Variants in AGPS observed in about 807,000 individuals in gnomAD.
The protein encoded by AGPS is alkylglycerone phosphate synthase, also known as alkyldihydroxyacetonephosphate synthase, peroxisomal.
AGPS carries 26 observed loss-of-function variants against 90.7 expected under a neutral mutation model. The ratio of observed to expected loss-of-function variants is 0.29; its 90% CI spans 0.21 to 0.40. The LOEUF is 0.40. Ranked by LOEUF, AGPS falls within the 10% of genes least tolerant of loss-of-function variation. The pLI is 1.00. For synonymous variants in AGPS, 294 were observed against 285.3 expected, an observed-to-expected ratio of 1.03 and a Z score of -0.31; for missense variants, 540 against 816.1, an observed-to-expected ratio of 0.66 and a Z score of 4.12.
intron 8 of AGPS, among the ~76,000 whole-genome samples, chr2:177,460,570 G>T (rs985796996): frequency 6.6e-6 from 1 of 152,138 alleles, no homozygotes; most frequent in East Asian, 1.9e-4. Flanking sequence ...GTACATCTTA[G>T]GGCTCCATGA....
At chr2:177,474,492 T>C (rs1687720236) in intron 10 of AGPS, among the ~76,000 whole-genome samples, 1 of 152,316 alleles carries the variant, frequency 6.6e-6, no homozygotes, top group Non-Finnish European at 1.5e-5. Context: ...ACATTCCTGG[T>C]GACTGTACCC....
Position 177,393,028 on chromosome 2 carries a change from C to T in AGPS, c.239C>T (p.Ser80Leu), listed in dbSNP as rs200828998. ...ACGGCCACTCCCGCCGCGCAGGAGTCGGGCACCATCCCAAAGAAGCGGTGA... is the reference window on the plus strand; with the variant it reads ...ACGGCCACTCCCGCCGCGCAGGAGTTGGGCACCATCCCAAAGAAGCGGTGA... Reference protein sequence around the residue: ...APTATPAAQESGTIPKKRQEV... With the variant: ...APTATPAAQELGTIPKKRQEV... Residue 80 changes from serine (S) to leucine (L), a missense_variant, in exon 1 of 20, where the codon TCG (serine) becomes TTG (leucine). Physicochemically the swap from Ser to Leu is moderately radical, Grantham distance 145 (BLOSUM62 -2). Transcript: ENST00000264167. 12 of 1,550,326 alleles carry T rather than the reference C, an allele frequency of 7.7e-6. No homozygotes were observed. Among genetic ancestry groups the T allele is most frequent in the Non-Finnish European group, 1.0e-5 (12 of 1,146,804 alleles).
At chr2:177,480,367 C>T (rs1470668522) in intron 10 of AGPS, among the ~76,000 whole-genome samples, 2 of 152,242 alleles carry the variant, frequency 1.3e-5, no homozygotes, top group East Asian at 1.9e-4. Flanking sequence ...GAAAATGTGG[C>T]ACATATACAC....
chr2:177,438,013 T>C (rs891806754), intron 5 of AGPS, among the ~76,000 whole-genome samples: 1 of 152,238 alleles, frequency 6.6e-6, no homozygotes, highest in Non-Finnish European at 1.5e-5. Context: ...ATTTTAACTG[T>C]TCCTGAGGAA....
At chr2:177,535,766 A>C (rs980308670) in intron 19 of AGPS, among the ~76,000 whole-genome samples, 3 of 152,200 alleles carry the variant, frequency 2.0e-5, no homozygotes, top group African/African-American at 7.2e-5. Flanking sequence ...CTTTAATTGC[A>C]TAAACCAAGA....
chr2:177,434,724 A>G (rs1353750254), intron 3 of AGPS, among the ~76,000 whole-genome samples: 1 of 152,090 alleles, frequency 6.6e-6, no homozygotes, highest in Non-Finnish European at 1.5e-5. Context: ...GTAGTAGTGA[A>G]GTGCAGATTA....
rs778805499 is a variant in AGPS, at chr2:177,461,875, TA to T, written c.871-15del. The T allele has an allele frequency of 3.1e-4, 499 of 1,606,064 alleles. 6 individuals carry two copies. The Admixed American group carries it at 8.2e-3, about 26-fold the overall frequency. On this transcript the variant is annotated splice_polypyrimidine_tract_variant and intron_variant, in intron 8 of 19. Coordinates refer to ENST00000264167, the MANE Select transcript of AGPS (RefSeq NM_003659.4). ...TGGGACCATTTTCACTGTAAAATGT[TA>T]AATTTTTGTTTTTCAGCTTAAAGAA...
In AGPS at chr2:177,533,461, G is replaced by A. The variant is rs866748453; in HGVS notation, c.1856-4613G>A. 5.9e-5 allele frequency among the ~76,000 whole-genome samples: 9 copies of A among 152,178 alleles called. No homozygotes were observed. The South Asian group carries it at 1.5e-3, about 25-fold the overall frequency. On this transcript the variant is annotated intron_variant, in intron 19 of 19. Coordinates refer to ENST00000264167, the MANE Select transcript of AGPS (RefSeq NM_003659.4). ...GGCCAGGGACAACATTGTGTTGGCT[G>A]TCTCTTACCACATGCTGTACCTTTA...
At chr2:177,399,290 A>G (rs192982016) in intron 1 of AGPS, among the ~76,000 whole-genome samples, 1 of 152,326 alleles carries the variant, frequency 6.6e-6, no homozygotes, top group African/African-American at 2.4e-5. Context: ...TCCGATTAGT[A>G]TGTTAATTTC....
chr2:177,502,505 T>C (rs972757097), intron 14 of AGPS, among the ~76,000 whole-genome samples: 2 of 148,850 alleles, frequency 1.3e-5, no homozygotes, highest in Admixed American at 1.4e-4. Flanking sequence ...AGCCTCAGCC[T>C]CCCTGGGCTC....
In AGPS at chr2:177,543,810, G is replaced by GA. The variant is rs2079262425; in HGVS notation, c.*5620dup. The GA allele has an allele frequency of 6.6e-6, 1 of 152,128 alleles. No homozygotes were observed. The highest frequency in any genetic ancestry group is 2.4e-5 in the African/African-American group (1 of 41,412). The allele number at this position is 152,128 out of a possible 1,614,324, so 9.4% of individuals were successfully genotyped here. A position where few individuals can be genotyped will look rare whatever the true frequency, so the allele number is the denominator to read the frequency against. On this transcript the variant is annotated 3_prime_UTR_variant, in exon 20 of 20. Coordinates refer to ENST00000264167, the MANE Select transcript of AGPS (RefSeq NM_003659.4). ...TGTGTGATTTTTAAGATGTGCTGGGGAAAAATAAATCAATACCACAACCAC... is the reference window on the plus strand; with the variant it reads ...TGTGTGATTTTTAAGATGTGCTGGGGAAAAAATAAATCAATACCACAACCAC...
chr2:177,492,549 T>G (rs1167940483), intron 11 of AGPS, among the ~76,000 whole-genome samples: 1 of 152,222 alleles, frequency 6.6e-6, no homozygotes, highest in Non-Finnish European at 1.5e-5. Context: ...TTTTAAACTA[T>G]TATACATTTA....
At chr2:177,406,519 A>G (rs532456298) in intron 1 of AGPS, among the ~76,000 whole-genome samples, 1 of 152,354 alleles carries the variant, frequency 6.6e-6, no homozygotes, top group South Asian at 2.1e-4. Flanking sequence ...ACAGGAAGAC[A>G]TAAGAGGACA....
chr2:177,402,844 G>T (rs986902358), intron 1 of AGPS, among the ~76,000 whole-genome samples: 1 of 152,104 alleles, frequency 6.6e-6, no homozygotes, highest in Non-Finnish European at 1.5e-5. Context: ...ATTACCTGAG[G>T]TTAGGAGTTC....
chr2:177,510,569 CTAA>C (rs1461465835), intron 16 of AGPS, among the ~76,000 whole-genome samples: 1 of 152,070 alleles, frequency 6.6e-6, no homozygotes, highest in Non-Finnish European at 1.5e-5. Context: ...ACTGTGGAAG[CTAA>C]TAATGTGCAA....
intron 19 of AGPS, among the ~76,000 whole-genome samples, chr2:177,536,729 C>T (rs2079187989): frequency 6.6e-6 from 1 of 152,068 alleles, no homozygotes; most frequent in African/African-American, 2.4e-5. Flanking sequence ...TCATTTCCCC[C>T]CGTCTTAATA....
At chr2:177,457,419 A>G (rs1469271431) in intron 8 of AGPS, among the ~76,000 whole-genome samples, 1 of 152,180 alleles carries the variant, frequency 6.6e-6, no homozygotes, top group Non-Finnish European at 1.5e-5. Flanking sequence ...TGAAAATACC[A>G]ACAAAATAGA....
chr2:177,490,711 C>T (rs1688228664), intron 11 of AGPS, among the ~76,000 whole-genome samples: 1 of 152,006 alleles, frequency 6.6e-6, no homozygotes, highest in Admixed American at 6.6e-5. Context: ...AAATTTTAAG[C>T]ATACAGAAAA....
At chr2:177,499,483 A>C (rs1276783128) in intron 13 of AGPS, 135 bp from the exon 14 acceptor site, 1 of 609,796 alleles carries the variant, frequency 1.6e-6, no homozygotes, top group Non-Finnish European at 2.8e-6. Context: ...ATTGACATGT[A>C]AAGTTCCAAA....
Sources: gnomAD v4.1 joint callset for allele counts (sites outside exome capture counted in the v4.1 genomes callset) on GRCh38, gnomAD v4.1.1 for gene constraint, MANE v1.5 for transcripts, NCBI Gene and HGNC (gene_info 2026-07-23, HGNC 2026-07-21) for gene names.